The following CYP11A1 variants were observed in gnomAD, a reference collection of about 807,000 sequenced individuals.
CYP11A1 encodes cytochrome P450 family 11 subfamily A member 1.
In CYP11A1, 25 loss-of-function variants were observed where a neutral mutation model predicts 51.9. The ratio of observed to expected loss-of-function variants is 0.48; its 90% CI spans 0.35 to 0.67. The LOEUF (loss-of-function observed/expected upper bound fraction) is 0.67, where lower values mean the gene tolerates loss of function less well. Among genes scored for constraint, CYP11A1 ranks in the 30% least tolerant of loss-of-function variants. The pLI is 0.00. For missense variants in CYP11A1, 578 were observed against 680.9 expected (o/e 0.85, Z 1.68); for synonymous variants, 245 against 262.1 (o/e 0.93, Z 0.63).
At chr15:74,344,342 CT>C (rs908354000) in intron 3 of CYP11A1, among the ~76,000 whole-genome samples, 9 of 152,206 alleles carry the variant, frequency 5.9e-5, no homozygotes, top group African/African-American at 2.2e-4. Context: ...GCTGAATTGG[CT>C]AAATACTTCC....
chr15:74,359,162 T>A (rs1330872181), intron 1 of CYP11A1, among the ~76,000 whole-genome samples: 1 of 151,796 alleles, frequency 6.6e-6, no homozygotes, highest in South Asian at 2.1e-4. Flanking sequence ...TCATTCTACA[T>A]GACAAATGCT....
At chr15:74,365,053 A>T (rs1195766825) in intron 1 of CYP11A1, among the ~76,000 whole-genome samples, 1 of 151,954 alleles carries the variant, frequency 6.6e-6, no homozygotes, top group Non-Finnish European at 1.5e-5. Context: ...GCCGGCCAAC[A>T]CATCTTACCC....
chr15:74,362,532 A>T (rs2060713508), intron 1 of CYP11A1: 1 of 155,776 alleles, frequency 6.4e-6, no homozygotes, highest in South Asian at 2.0e-4. Flanking sequence ...ACACTATAAC[A>T]AAACTTCAGG....
At chr15:74,352,648 A>G (rs765828390) in intron 1 of CYP11A1, among the ~76,000 whole-genome samples, 5 of 152,164 alleles carry the variant, frequency 3.3e-5, no homozygotes, top group Admixed American at 6.5e-5. Flanking sequence ...CACTGAGATA[A>G]ATGCATATCT....
chr15:74,365,827 G>T, intron 1 of CYP11A1: 1 of 985,624 alleles, frequency 1.0e-6, no homozygotes, highest in Non-Finnish European at 1.2e-6. Flanking sequence ...CCGCAGGCCG[G>T]GCAGAGAAAC....
rs775534320 is a variant in CYP11A1, at chr15:74,345,207, C to T, written c.462G>A (p.Leu154=). 6.2e-7 allele frequency: 1 copy of T among 1,614,216 alleles called. No homozygotes were observed. The highest frequency in any genetic ancestry group is 1.1e-5 in the South Asian group (1 of 91,080). The part of the protein sequence containing the change: ...SAAWKKDRVA[L]NQEVMAPEAT... ...CCTCTGGAGCCATCACCTCCTGGTT[C>T]AGGGCCACCCGGTCTTTCTTCCAGG... Residue 154 remains leucine (L), a synonymous_variant, in exon 3 of 9, where the codon CTG becomes CTA. Coordinates refer to ENST00000268053, the MANE Select transcript of CYP11A1 (RefSeq NM_000781.3). The surrounding 1 kb of genome is among the most constrained non-coding windows in gnomAD (Gnocchi z 4.3).
chr15:74,347,116 C>T (rs2060636297), intron 2 of CYP11A1, among the ~76,000 whole-genome samples: 2 of 151,926 alleles, frequency 1.3e-5, no homozygotes, highest in South Asian at 4.2e-4. Flanking sequence ...CCTCATTTTA[C>T]ATTTTTGATG....
Position 74,337,851 on chromosome 15 carries a change from A to G in CYP11A1, c.*121T>C. ...AAGGTGACCACTGAGAACCCATTCA[A>G]CCTGCTGAGCAGGCTGGGCAGAAAG... is the stretch of plus-strand genomic sequence containing the variant. On this transcript the variant is annotated 3_prime_UTR_variant, in exon 9 of 9. Coordinates refer to ENST00000268053, the MANE Select transcript of CYP11A1 (RefSeq NM_000781.3). 7.2e-7 allele frequency: 1 copy of G among 1,379,656 alleles called. No individual in the cohort carries two copies. The highest frequency in any genetic ancestry group is 1.0e-6 in the Non-Finnish European group (1 of 987,094). The allele number at this position is 1,379,656 out of a possible 1,614,324, so 85.5% of individuals were successfully genotyped here.
chr15:74,366,023 T>G (rs2060731294), intron 1 of CYP11A1: 1 of 985,968 alleles, frequency 1.0e-6, no homozygotes, highest in Non-Finnish European at 1.2e-6. Flanking sequence ...CGCCTGGACC[T>G]CGCCCTGAGG....
intron 1 of CYP11A1, chr15:74,350,677 T>A (rs1457403176): frequency 6.6e-6 from 1 of 152,292 alleles, no homozygotes; most frequent in Non-Finnish European, 1.5e-5. Context: ...CTTCATCCTC[T>A]CCATTTACAT....
chr15:74,352,618 T>C (rs1353916688), intron 1 of CYP11A1, among the ~76,000 whole-genome samples: 2 of 152,170 alleles, frequency 1.3e-5, no homozygotes, highest in Non-Finnish European at 2.9e-5. Flanking sequence ...CGAGCCTGCC[T>C]CCCCTTCTAT....
Position 74,349,236 on chromosome 15 carries a change from C to CA in CYP11A1, c.270-1182dup, listed in dbSNP as rs1217300724. Among the ~76,000 whole-genome samples the CA allele has an allele frequency of 5.3e-5, 8 of 152,116 alleles. No individual in the cohort carries two copies. The South Asian group carries it at 1.7e-3, about 32-fold the overall frequency. Reference sequence around the variant, plus strand: ...CAGAAAATTAATTCTGTTGTTTAAGCAAAAAATAAGAAATAAAAATACAAC... The same window carrying CA: ...CAGAAAATTAATTCTGTTGTTTAAGCAAAAAAATAAGAAATAAAAATACAAC... On this transcript the variant is annotated intron_variant, in intron 1 of 8. Coordinates refer to ENST00000268053, the MANE Select transcript of CYP11A1 (RefSeq NM_000781.3).
At chr15:74,342,854 A>G (rs1764902846) in intron 5 of CYP11A1, 123 bp downstream of exon 5, 1 of 1,013,346 alleles carries the variant, frequency 9.9e-7, no homozygotes, top group Non-Finnish European at 1.5e-6. Context: ...GGCAAGGAGG[A>G]AGACATATCC....
At chr15:74,363,412 T>C (rs2060717589) in intron 1 of CYP11A1, 1 of 152,212 alleles carries the variant, frequency 6.6e-6, no homozygotes, top group Admixed American at 6.5e-5. Context: ...TTTTTGTATT[T>C]TAGTAGAGAT....
At position 74,338,703 on chromosome 15, in the gene CYP11A1, A is replaced by G. The variant is rs753866013; in HGVS notation, c.1302T>C (p.Asn434=). Residue 434 remains asparagine, a synonymous_variant, in exon 8 of 9, where the codon AAT becomes AAC. Coordinates refer to ENST00000268053, the MANE Select transcript of CYP11A1 (RefSeq NM_000781.3). ...TGCTCAGCCATCGGGTTGGGTCAAA[A>G]TTTTCCGGGTCGAAGAAGAAGGTGG... ...REPTFFFDPE[N]FDPTRWLSKD... 1.2e-6 allele frequency: 2 copies of G among 1,614,122 alleles called. No homozygotes were observed. Among genetic ancestry groups the G allele is most frequent in the South Asian group, 1.1e-5 (1 of 91,078 alleles).
At chr15:74,338,201 T>A in intron 8 of CYP11A1, 98 bp from the exon 9 acceptor site, 1 of 1,465,292 alleles carries the variant, frequency 6.8e-7, no homozygotes, top group Non-Finnish European at 9.5e-7. Flanking sequence ...GGAGTGTGAT[T>A]TGAGGAGTTC....
intron 1 of CYP11A1, among the ~76,000 whole-genome samples, chr15:74,348,951 T>A (rs2060643934): frequency 6.6e-6 from 1 of 152,164 alleles, no homozygotes; most frequent in South Asian, 2.1e-4. Flanking sequence ...GTCTCAAACT[T>A]CTGGGCTCAA....
chr15:74,352,806 A>C (rs1486521305), intron 1 of CYP11A1, among the ~76,000 whole-genome samples: 2 of 152,242 alleles, frequency 1.3e-5, no homozygotes, highest in African/African-American at 2.4e-5. Context: ...TACATATGTT[A>C]ATTAGTGTCT....
At chr15:74,348,304 G>T in intron 1 of CYP11A1, 1 of 544,630 alleles carries the variant, frequency 1.8e-6, no homozygotes, top group Non-Finnish European at 3.3e-6. Context: ...TTCTACAAGT[G>T]AGAGCTTTAT....
Sources: allele counts gnomAD v4.1 joint callset (sites outside exome capture counted in the v4.1 genomes callset), GRCh38; gene constraint gnomAD v4.1.1; non-coding constraint Gnocchi (gnomAD v3.1); transcripts MANE v1.5; gene names NCBI Gene and HGNC (gene_info 2026-07-23, HGNC 2026-07-21).